ZFYVE16: variants seen among roughly 807,000 people sequenced by gnomAD.
ZFYVE16 encodes zinc finger FYVE-type containing 16.
ZFYVE16 carries 89 observed loss-of-function variants against 138.1 expected under a neutral mutation model. That is an observed-to-expected ratio of 0.64 (90% CI 0.54 to 0.77). The LOEUF is 0.77. Ranked by LOEUF, ZFYVE16 falls within the 30% of genes least tolerant of loss-of-function variation. ZFYVE16 has a pLI of 0.00. For missense variants in ZFYVE16, 1,793 were observed against 1,786.7 expected, an observed-to-expected ratio of 1.00 and a Z score of -0.06; for synonymous variants, 596 against 618.3, an observed-to-expected ratio of 0.96 and a Z score of 0.53.
rs548550607 is a variant in ZFYVE16 at position 80,474,747 on chromosome 5, G to A, written c.4378G>A (p.Ala1460Thr). Reference sequence around the variant, plus strand: ...AAAAGAAATAGCCATGGCTTGTAGTGCTGCGCTGTGCCCTCACCTGAAAAC... The same window carrying A: ...AAAAGAAATAGCCATGGCTTGTAGTACTGCGCTGTGCCCTCACCTGAAAAC... ...FAKEIAMACS[A>T]ALCPHLKTLK... Residue 1460 changes from alanine to threonine, a missense_variant, in exon 18 of 19, where the codon GCT becomes ACT. Around this residue, in one of 2 missense-constraint regions of ZFYVE16, gnomAD observed 498 missense variants for 582.4 expected, o/e 0.86. Coordinates refer to ENST00000505560, the MANE Select transcript of ZFYVE16 (RefSeq NM_001284236.3). The A allele has an allele frequency of 6.2e-7, 1 of 1,613,932 alleles. No homozygotes were observed. Among genetic ancestry groups the A allele is most frequent in the African/African-American group, 1.3e-5 (1 of 75,028 alleles).
chr5:80,444,719 T>C (rs1042780302), intron 6 of ZFYVE16, among the ~76,000 whole-genome samples: 9 of 152,046 alleles, frequency 5.9e-5, no homozygotes, highest in Admixed American at 3.3e-4. Context: ...AGTGATCCTG[T>C]TACCTTTTTT....
chr5:80,453,979 A>C (rs1327132352), intron 11 of ZFYVE16: 1 of 152,134 alleles, frequency 6.6e-6, no homozygotes, highest in Non-Finnish European at 1.5e-5. Context: ...AAACAAAACT[A>C]CCTCTTCATA....
chr5:80,411,385 A>G (rs1745438203), intron 1 of ZFYVE16, among the ~76,000 whole-genome samples: 1 of 152,162 alleles, frequency 6.6e-6, no homozygotes, highest in Non-Finnish European at 1.5e-5. Context: ...TACTAACATC[A>G]TTAATGTTTG....
At chr5:80,470,105 T>TTC (rs1342797737) in intron 15 of ZFYVE16, among the ~76,000 whole-genome samples, 3 of 36,440 alleles carry the variant, frequency 8.2e-5, no homozygotes, top group Non-Finnish European at 3.5e-4. Flanking sequence ...GTGTGTATTT[T>TTC]TTTTTTTTTT....
chr5:80,430,818 C>A (rs1748893176), intron 2 of ZFYVE16, among the ~76,000 whole-genome samples: 2 of 152,300 alleles, frequency 1.3e-5, no homozygotes, highest in East Asian at 3.9e-4. Flanking sequence ...CACCTCTACA[C>A]AAATAAACTA....
chr5:80,475,635 T>G (rs549616777), intron 18 of ZFYVE16, among the ~76,000 whole-genome samples: 60 of 152,336 alleles, frequency 3.9e-4, no homozygotes, highest in African/African-American at 1.4e-3. Flanking sequence ...ATTTTTTACC[T>G]TGCTTCTTTA....
intron 1 of ZFYVE16, among the ~76,000 whole-genome samples, chr5:80,415,770 C>T (rs977029624): frequency 1.3e-5 from 2 of 151,976 alleles, no homozygotes; most frequent in East Asian, 1.9e-4. Context: ...CGGGTTCAAG[C>T]GATTCTCCTG....
At position 80,477,202 on chromosome 5, in the gene ZFYVE16, A is replaced by G; in HGVS notation, c.4462-17A>G. 1 of 1,523,732 alleles carries G rather than the reference A, an allele frequency of 6.6e-7. No homozygotes were observed. Among genetic ancestry groups the G allele is most frequent in the Non-Finnish European group, 8.8e-7 (1 of 1,134,898 alleles). 94.4% of individuals were successfully genotyped at this position (1,523,732 alleles called of 1,614,324 possible). On this transcript the variant is annotated splice_polypyrimidine_tract_variant and intron_variant, in intron 18 of 18. Coordinates refer to ENST00000505560, the MANE Select transcript of ZFYVE16 (RefSeq NM_001284236.3). Reference sequence around the variant, plus strand: ...AAGATTGCTCATTTTCTTATCAAGAATTTTTTTTTTTTCTAGGTTGAATTT... The same window carrying G: ...AAGATTGCTCATTTTCTTATCAAGAGTTTTTTTTTTTTCTAGGTTGAATTT...
rs199584578 is a variant in ZFYVE16, at chr5:80,450,605, A to C, written c.3382+19A>C. 7.0e-5 allele frequency: 113 copies of C among 1,611,324 alleles called. No homozygotes were observed. The highest frequency in any genetic ancestry group is 9.3e-5 in the Non-Finnish European group (110 of 1,178,700). Reference sequence around the variant, plus strand: ...CTAAAAGGTATGGCATTTTATTTTGAACTGTTCAGACTGGGGAATGGATAA... The same window carrying C: ...CTAAAAGGTATGGCATTTTATTTTGCACTGTTCAGACTGGGGAATGGATAA... On this transcript the variant is annotated intron_variant, in intron 10 of 18. Coordinates refer to ENST00000505560, the MANE Select transcript of ZFYVE16 (RefSeq NM_001284236.3).
At chr5:80,465,400 G>GTTTTTTTTTGTTTTTT (rs1753600981) in intron 15 of ZFYVE16, among the ~76,000 whole-genome samples, 1 of 26,780 alleles carries the variant, frequency 3.7e-5, no homozygotes, top group African/African-American at 1.0e-4. Context: ...CCTTTTCTTT[G>GTTTTTTTTTGTTTTTT]TTTTTTTTTT....
At chr5:80,467,061 A>G (rs1181974893) in intron 15 of ZFYVE16, among the ~76,000 whole-genome samples, 1 of 152,206 alleles carries the variant, frequency 6.6e-6, no homozygotes. Context: ...GGTTCCCTGG[A>G]AGACCCTACT....
chr5:80,417,361 A>T (rs932095759), intron 1 of ZFYVE16, among the ~76,000 whole-genome samples: 1 of 152,156 alleles, frequency 6.6e-6, no homozygotes, highest in East Asian at 1.9e-4. Flanking sequence ...AGGATCCCCC[A>T]TTCTCCTAAA....
intron 1 of ZFYVE16, among the ~76,000 whole-genome samples, chr5:80,424,369 C>T (rs1220024048): frequency 1.3e-5 from 2 of 151,910 alleles, no homozygotes; most frequent in East Asian, 3.9e-4. Context: ...CTTCCTGTTC[C>T]TGTTTCATGG....
intron 7 of ZFYVE16, among the ~76,000 whole-genome samples, chr5:80,445,834 C>T (rs547759465): frequency 3.5e-4 from 53 of 151,454 alleles, no homozygotes; most frequent in Non-Finnish European, 6.6e-4. Flanking sequence ...CTTTAGTAAT[C>T]CTCCCATCTC....
rs1026235804 is a variant in ZFYVE16 at position 80,463,164 on chromosome 5, G to A, written c.4024+3670G>A. Among the ~76,000 whole-genome samples the A allele has an allele frequency of 3.3e-5, 5 of 152,262 alleles. No homozygotes were observed. The East Asian group carries it at 5.8e-4, about 18-fold the overall frequency. ...GTGCCCCAGTGGGGACTCTTTGTGG[G>A]GACATTTCCCTTCTGCACTGCCCTA... On this transcript the variant is annotated intron_variant, in intron 15 of 18. Transcript: ENST00000505560.
In ZFYVE16 at chr5:80,413,200, G is replaced by A. The variant is rs377539542; in HGVS notation, c.-94+5047G>A. ...CAAAAAAGAAGAGAGGGCTGGGTGC[G>A]GTGGCTCATGCCTGTAATCCCAGCA... On this transcript the variant is annotated intron_variant, in intron 1 of 18. Coordinates refer to ENST00000505560, the MANE Select transcript of ZFYVE16 (RefSeq NM_001284236.3). Among the ~76,000 whole-genome samples, 956 of 152,030 alleles carry A rather than the reference G, an allele frequency of 6.3e-3. 9 individuals are homozygous for A. The highest frequency in any genetic ancestry group is 0.021 in the African/African-American group (878 of 41,472).
In ZFYVE16 at chr5:80,451,582, GA is replaced by G; in HGVS notation, c.3483del (p.Lys1161AsnfsTer33). ...TCCTGTTTATTACACCTACTTTTCA[GA>G]AACTTGATGATCTCTCATTACCAAG... Reference protein sequence around the residue: ...GFLFITPTFQKLDDLSLPSNP... With the variant: ...GFLFITPTFQXLDDLSLPSNP... On this transcript the variant is annotated frameshift_variant, in exon 11 of 19. Coordinates refer to ENST00000505560, the MANE Select transcript of ZFYVE16 (RefSeq NM_001284236.3). LOFTEE classifies it high-confidence loss of function. 1 of 1,613,870 alleles carries G rather than the reference GA, an allele frequency of 6.2e-7. No homozygotes were observed.
chr5:80,451,797 TG>T, intron 11 of ZFYVE16, 88 bp downstream of exon 11: 1 of 1,236,304 alleles, frequency 8.1e-7, no homozygotes, highest in Non-Finnish European at 1.1e-6. Flanking sequence ...TCAATTTTAA[TG>T]GATTAATGGA....
At position 80,451,714 on chromosome 5, in the gene ZFYVE16, G is replaced by A. The variant is rs1434925072; in HGVS notation, c.3607+5G>A. 6.2e-7 allele frequency: 1 copy of A among 1,604,278 alleles called. No homozygotes were observed. The highest frequency in any genetic ancestry group is 8.5e-7 in the Non-Finnish European group (1 of 1,175,580). On this transcript the variant is annotated splice_donor_5th_base_variant and intron_variant, in intron 11 of 18. Coordinates refer to ENST00000505560, the MANE Select transcript of ZFYVE16 (RefSeq NM_001284236.3). The stretch of plus-strand genomic sequence containing the variant: ...GATTGGGTGCAGAATATAAAGGTAA[G>A]TTTTAGAGTAATAAGTTAAATTGCA...
Sources: gnomAD v4.1 joint callset for allele counts (sites outside exome capture counted in the v4.1 genomes callset) on GRCh38, gnomAD v4.1.1 for gene constraint, gnomAD v4.1.1 regional missense constraint, MANE v1.5 for transcripts, NCBI Gene and HGNC (gene_info 2026-07-23, HGNC 2026-07-21) for gene names.